Variants in CRYBG3 observed in about 807,000 individuals in gnomAD.
CRYBG3 encodes very large A-kinase anchor protein.
In CRYBG3, 127 loss-of-function variants were observed where a neutral mutation model predicts 244.2. That is an observed-to-expected ratio of 0.52 (90% confidence interval 0.45 to 0.60). The LOEUF is 0.60. CRYBG3 is among the 20% of genes least tolerant of loss of function. The pLI is 0.00. For missense variants in CRYBG3, 3,325 were observed against 3,442.5 expected (o/e 0.97, Z 0.85); for synonymous variants, 1,132 against 1,195.8 (o/e 0.95, Z 1.10).
At chr3:97,867,693 A>G (rs925056257) in intron 3 of CRYBG3, among the ~76,000 whole-genome samples, 6 of 152,200 alleles carry the variant, frequency 3.9e-5, no homozygotes, top group Non-Finnish European at 8.8e-5. Context: ...CCTTTGGTAT[A>G]TAGCATAAGC....
intron 2 of CRYBG3, among the ~76,000 whole-genome samples, chr3:97,847,322 G>A (rs1052299948): frequency 6.6e-6 from 1 of 152,112 alleles, no homozygotes; most frequent in African/African-American, 2.4e-5. Flanking sequence ...TCATTTTAGA[G>A]TATTTTGTTC....
At chr3:97,921,086 C>A (rs2039979774) in intron 17 of CRYBG3, among the ~76,000 whole-genome samples, 1 of 114,264 alleles carries the variant, frequency 8.8e-6, no homozygotes, top group South Asian at 3.3e-4. Context: ...ACAAGCTTTC[C>A]CTCCCCCCTC....
At chr3:97,886,594 T>A in intron 7 of CRYBG3, 37 bp from the exon 8 acceptor site, 1 of 1,568,364 alleles carries the variant, frequency 6.4e-7, no homozygotes, top group Non-Finnish European at 8.6e-7. Context: ...TGTGTGACTC[T>A]AGTTGATTTC....
Position 97,822,320 on chromosome 3 carries a change from G to C in CRYBG3, c.114G>C (p.Thr38=). The change falls in exon 1 of 22, where the codon ACG becomes ACC. Residue 38 remains threonine (T), a synonymous_variant. Coordinates refer to ENST00000389622, the MANE Select transcript of CRYBG3 (RefSeq NM_153605.4). ...AGGAAGAGGAGGAGAGGCCGGGGAC[G>C]AGCCCGCCTCCAGCTCCAGGCCGGT... ...KEEEEEERPG[T]SPPPAPGRSA... 3 of 1,516,372 alleles carry C rather than the reference G, an allele frequency of 2.0e-6. No individual in the cohort carries two copies. The highest frequency in any genetic ancestry group is 2.6e-6 in the Non-Finnish European group (3 of 1,137,490). The allele number at this position is 1,516,372 out of a possible 1,614,324, so 93.9% of individuals were successfully genotyped here.
chr3:97,896,169 A>G, intron 12 of CRYBG3, 84 bp downstream of exon 12: 1 of 1,289,854 alleles, frequency 7.8e-7, no homozygotes, highest in East Asian at 2.4e-5. Flanking sequence ...ATAGAACATG[A>G]GATTATAAAA....
chr3:97,941,086 C>G, intron 19 of CRYBG3, 62 bp from the exon 20 acceptor site: 1 of 1,435,890 alleles, frequency 7.0e-7, no homozygotes, highest in Non-Finnish European at 9.6e-7. Flanking sequence ...CTTTCCTCCT[C>G]TGGAAGGATT....
chr3:97,824,080 T>C (rs762403610), intron 1 of CRYBG3, among the ~76,000 whole-genome samples: 1 of 152,224 alleles, frequency 6.6e-6, no homozygotes, highest in Non-Finnish European at 1.5e-5. Context: ...GTTAGGGGGA[T>C]AGCAGATGAC....
chr3:97,839,542 T>C (rs1386469721), intron 1 of CRYBG3, among the ~76,000 whole-genome samples: 3 of 152,152 alleles, frequency 2.0e-5, no homozygotes, highest in Non-Finnish European at 2.9e-5. Flanking sequence ...AAGAGACTTA[T>C]ATGCTCCTCC....
At chr3:97,857,826 A>G (rs914555907) in intron 2 of CRYBG3, among the ~76,000 whole-genome samples, 6 of 152,046 alleles carry the variant, frequency 3.9e-5, no homozygotes, top group Non-Finnish European at 8.8e-5. Flanking sequence ...TACGGTTATT[A>G]TTGATAAATA....
chr3:97,855,476 T>C (rs931757946), intron 2 of CRYBG3, among the ~76,000 whole-genome samples: 1 of 151,864 alleles, frequency 6.6e-6, no homozygotes, highest in Admixed American at 6.6e-5. Flanking sequence ...TGGGCTTTTC[T>C]TTGTTGGGAG....
At chr3:97,861,746 G>A (rs922874511) in intron 2 of CRYBG3, among the ~76,000 whole-genome samples, 2 of 152,034 alleles carry the variant, frequency 1.3e-5, no homozygotes, top group Admixed American at 6.6e-5. Flanking sequence ...GACAGATATA[G>A]GGCCCGCATA....
At chr3:97,859,711 C>T (rs2039118706) in intron 2 of CRYBG3, among the ~76,000 whole-genome samples, 1 of 152,050 alleles carries the variant, frequency 6.6e-6, no homozygotes, top group East Asian at 1.9e-4. Flanking sequence ...TTTGTCTCTC[C>T]TTCAGCTTTT....
intron 2 of CRYBG3, among the ~76,000 whole-genome samples, chr3:97,847,053 A>T (rs1166354735): frequency 1.3e-5 from 2 of 152,138 alleles, no homozygotes; most frequent in African/African-American, 4.8e-5. Flanking sequence ...AGCAAGAGAG[A>T]GGGGAAAGCT....
At chr3:97,907,867 T>G (rs2039797359) in intron 15 of CRYBG3, among the ~76,000 whole-genome samples, 1 of 151,122 alleles carries the variant, frequency 6.6e-6, no homozygotes, top group Non-Finnish European at 1.5e-5. Context: ...CTTTCCTGCT[T>G]TCTCTTGTGG....
intron 19 of CRYBG3, among the ~76,000 whole-genome samples, chr3:97,938,020 G>A (rs1427425490): frequency 6.6e-6 from 1 of 152,028 alleles, no homozygotes; most frequent in Non-Finnish European, 1.5e-5. Flanking sequence ...AGGAGTAGTG[G>A]GGAGGTTTCA....
chr3:97,840,443 A>G, intron 1 of CRYBG3, among the ~76,000 whole-genome samples: 1 of 152,142 alleles, frequency 6.6e-6, no homozygotes, highest in Non-Finnish European at 1.5e-5. Flanking sequence ...ATATCAAGTA[A>G]TATTTCTTTT....
intron 18 of CRYBG3, among the ~76,000 whole-genome samples, chr3:97,935,440 C>T (rs936065069): frequency 6.6e-6 from 1 of 152,056 alleles, no homozygotes; most frequent in East Asian, 1.9e-4. Flanking sequence ...ATTCATCTCT[C>T]CATAATTTGG....
At position 97,874,433 on chromosome 3, in the gene CRYBG3, A is replaced by G; in HGVS notation, c.3239A>G (p.Gln1080Arg). 6.5e-7 allele frequency: 1 copy of G among 1,535,286 alleles called. No individual in the cohort carries two copies. The highest frequency in any genetic ancestry group is 1.4e-5 in the African/African-American group (1 of 73,130). ...ATGATAGTAAATTCACATAAGCCCC[A>G]AAATAATTTGGATTCTATACAAGTT... ...VSMIVNSHKP[Q>R]NNLDSIQVTK... The change falls in exon 4 of 22, where the codon CAA becomes CGA. Residue 1080 changes from glutamine to arginine, a missense_variant. This residue lies in a region of CRYBG3 where 1,526 missense variants were observed against 1,443.2 expected (regional missense o/e 1.06). Transcript: ENST00000389622.
At chr3:97,878,297 G>C (rs2039407325) in intron 4 of CRYBG3, among the ~76,000 whole-genome samples, 1 of 152,162 alleles carries the variant, frequency 6.6e-6, no homozygotes, top group Admixed American at 6.5e-5. Flanking sequence ...TGTAATCCTA[G>C]CTACTGGGGA....
Sources: allele counts gnomAD v4.1 joint callset (sites outside exome capture counted in the v4.1 genomes callset), GRCh38; gene constraint gnomAD v4.1.1; regional missense constraint gnomAD v4.1.1; transcripts MANE v1.5; gene names NCBI Gene and HGNC (gene_info 2026-07-23, HGNC 2026-07-21).